Variants in SAMD5 observed in about 807,000 individuals in gnomAD.
The protein encoded by SAMD5 is sterile alpha motif domain-containing protein 5.
Under a neutral mutation model 11.3 loss-of-function variants are expected in SAMD5, and 13 were observed. The observed-to-expected ratio is 1.15, with a 90% CI of 0.75 to 1.83. The LOEUF (loss-of-function observed/expected upper bound fraction) is 1.83, where lower values mean the gene tolerates loss of function less well. SAMD5 is among the 40% of genes most tolerant of loss of function. SAMD5 has a pLI of 0.00. For synonymous variants in SAMD5, 129 were observed against 111.3 expected (o/e 1.16, Z -1.00); for missense variants, 255 against 239.1 (o/e 1.07, Z -0.44).
At chr6:147,718,628 G>C (rs1186333345) in intron 1 of SAMD5, among the ~76,000 whole-genome samples, 1 of 152,152 alleles carries the variant, frequency 6.6e-6, no homozygotes, top group South Asian at 2.1e-4. Flanking sequence ...CCAGGTTTTG[G>C]TGTGGCATTG....
intron 1 of SAMD5, among the ~76,000 whole-genome samples, chr6:147,562,339 G>A (rs1018395610): frequency 2.0e-5 from 3 of 152,142 alleles, no homozygotes; most frequent in African/African-American, 7.2e-5. Flanking sequence ...CAAGAAAAGC[G>A]GACTCCCTCT....
At chr6:147,672,092 T>TA (rs1790804170) in intron 1 of SAMD5, among the ~76,000 whole-genome samples, 1 of 152,000 alleles carries the variant, frequency 6.6e-6, no homozygotes, top group African/African-American at 2.4e-5. Context: ...CCTCTCTACT[T>TA]ACAGATTTTT....
At chr6:147,515,555 T>A (rs1308191626) in intron 1 of SAMD5, among the ~76,000 whole-genome samples, 1 of 151,982 alleles carries the variant, frequency 6.6e-6, no homozygotes, top group Non-Finnish European at 1.5e-5. Flanking sequence ...CCTTTACCCA[T>A]CCATCTCTCC....
intron 1 of SAMD5, among the ~76,000 whole-genome samples, chr6:147,559,193 T>C (rs1191239654): frequency 3.3e-5 from 5 of 152,240 alleles, no homozygotes; most frequent in African/African-American, 1.2e-4. Flanking sequence ...GGCGGCAGCC[T>C]GCAGACCACA....
chr6:147,745,198 G>T, the SAMD5 span, among the ~76,000 whole-genome samples: 4 of 151,886 alleles, frequency 2.6e-5, no homozygotes, highest in Non-Finnish European at 5.9e-5. Flanking sequence ...GTGTGTGCCT[G>T]TGTGTGTGTG....
intron 1 of SAMD5, among the ~76,000 whole-genome samples, chr6:147,721,605 T>C (rs949142676): frequency 6.6e-6 from 1 of 152,214 alleles, no homozygotes; most frequent in Admixed American, 6.5e-5. Context: ...ATTAGCCCTT[T>C]GTCAGATAAG....
chr6:147,934,721 A>G, the SAMD5 span, among the ~76,000 whole-genome samples: 3 of 152,142 alleles, frequency 2.0e-5, no homozygotes, highest in African/African-American at 7.2e-5. Flanking sequence ...ACTAAGGTCC[A>G]TAGGCATTAT....
At chr6:147,634,847 G>A (rs1446322144) in intron 1 of SAMD5, among the ~76,000 whole-genome samples, 4 of 152,134 alleles carry the variant, frequency 2.6e-5, no homozygotes, top group Non-Finnish European at 4.4e-5. Context: ...GAGAGGAATG[G>A]GAAAGTGAGA....
At chr6:147,811,437 T>C in the SAMD5 span, among the ~76,000 whole-genome samples, 1 of 152,110 alleles carries the variant, frequency 6.6e-6, no homozygotes, top group Non-Finnish European at 1.5e-5. Context: ...GGTTAGGGAA[T>C]TTGGAGCTTT....
chr6:147,746,724 G>A, the SAMD5 span, among the ~76,000 whole-genome samples: 1 of 152,312 alleles, frequency 6.6e-6, no homozygotes, highest in East Asian at 1.9e-4. Context: ...GTGGGCAGAG[G>A]TGGATTTCAA....
chr6:147,545,748 A>T (rs1788675281), intron 1 of SAMD5, among the ~76,000 whole-genome samples: 1 of 152,212 alleles, frequency 6.6e-6, no homozygotes, highest in Non-Finnish European at 1.5e-5. Flanking sequence ...GTATATATAA[A>T]ACACAGACAC....
intron 1 of SAMD5, among the ~76,000 whole-genome samples, chr6:147,533,941 A>G (rs1788468697): frequency 6.6e-6 from 1 of 152,202 alleles, no homozygotes. Context: ...TATTCACAAC[A>G]ATGTCTAGAC....
chr6:147,732,167 C>T (rs1007180837), intron 1 of SAMD5, among the ~76,000 whole-genome samples: 1 of 152,146 alleles, frequency 6.6e-6, no homozygotes, highest in Admixed American at 6.5e-5. Flanking sequence ...CAGCCAGCAT[C>T]CCTCATTTTG....
chr6:147,894,539 C>T, the SAMD5 span, among the ~76,000 whole-genome samples: 1 of 152,118 alleles, frequency 6.6e-6, no homozygotes, highest in African/African-American at 2.4e-5. Context: ...TCAATGATGC[C>T]AGCAGTGCAT....
the SAMD5 span, among the ~76,000 whole-genome samples, chr6:147,941,226 C>T: frequency 2.0e-5 from 3 of 152,190 alleles, no homozygotes; most frequent in African/African-American, 7.2e-5. Context: ...AGCACGCCAT[C>T]AGGGAGTGTA....
chr6:147,629,366 T>C (rs1368458169), intron 1 of SAMD5, among the ~76,000 whole-genome samples: 1 of 152,068 alleles, frequency 6.6e-6, no homozygotes, highest in African/African-American at 2.4e-5. Context: ...ATTAATGTAT[T>C]GGAAGGCAAA....
chr6:147,597,719 A>G (rs1789553009), intron 1 of SAMD5, among the ~76,000 whole-genome samples: 1 of 152,200 alleles, frequency 6.6e-6, no homozygotes, highest in Non-Finnish European at 1.5e-5. Flanking sequence ...GCAAAACTTC[A>G]TGTTGCAACC....
In SAMD5 at chr6:147,569,514, A is replaced by G. The variant is rs934259964; in HGVS notation, c.*5058A>G. ...TTATTTAAGATGGGAAATGTCTTTTATAGGTATATTCTGTATAATACCCTT... is the reference window on the plus strand; with the variant it reads ...TTATTTAAGATGGGAAATGTCTTTTGTAGGTATATTCTGTATAATACCCTT... On this transcript the variant is annotated 3_prime_UTR_variant, in exon 2 of 2. Transcript: ENST00000367474. 2 of 852,662 alleles carry G rather than the reference A, an allele frequency of 2.3e-6. No homozygotes were observed. Among genetic ancestry groups the G allele is most frequent in the Non-Finnish European group, 2.8e-6 (2 of 709,142 alleles). 52.8% of individuals were successfully genotyped at this position (852,662 alleles called of 1,614,324 possible). A position where few individuals can be genotyped will look rare whatever the true frequency, so the allele number is the denominator to read the frequency against.
At chr6:147,901,919 T>C in the SAMD5 span, among the ~76,000 whole-genome samples, 1 of 152,178 alleles carries the variant, frequency 6.6e-6, no homozygotes, top group African/African-American at 2.4e-5. Flanking sequence ...TCTGAATTAT[T>C]GAAGATTCTC....
Sources: allele counts gnomAD v4.1 joint callset (sites outside exome capture counted in the v4.1 genomes callset), GRCh38; gene constraint gnomAD v4.1.1; transcripts MANE v1.5; gene names NCBI Gene and HGNC (gene_info 2026-07-23, HGNC 2026-07-21).